The following EEF2KMT variants were observed in gnomAD, a reference collection of about 807,000 sequenced individuals.
The protein encoded by EEF2KMT is eukaryotic elongation factor 2 lysine methyltransferase, also known as protein-lysine N-methyltransferase EEF2KMT.
A neutral mutation model predicts 35.1 loss-of-function variants in EEF2KMT; 30 were observed. The ratio of observed to expected loss-of-function variants is 0.85; its 90% CI spans 0.64 to 1.16. EEF2KMT has a LOEUF of 1.16. Ranked by LOEUF, EEF2KMT falls within the 50% of genes most tolerant of loss-of-function variation. EEF2KMT has a pLI of 0.00. For missense variants in EEF2KMT, 499 were observed against 438.2 expected (o/e 1.14, Z -1.24); for synonymous variants, 190 against 187.7 (o/e 1.01, Z -0.10).
chr16:5,085,979 GC>G (rs1957149555), intron 7 of EEF2KMT, among the ~76,000 whole-genome samples: 1 of 152,156 alleles, frequency 6.6e-6, no homozygotes, highest in South Asian at 2.1e-4. Context: ...GCCTGTGTCT[GC>G]CCCAGCACTT....
intron 7 of EEF2KMT, among the ~76,000 whole-genome samples, chr16:5,087,998 G>T (rs1479185728): frequency 3.3e-5 from 5 of 149,640 alleles, no homozygotes; most frequent in African/African-American, 9.8e-5. Flanking sequence ...CTGGAGTGCA[G>T]TGGTGAGATC....
chr16:5,097,260 G>A (rs1296828412), intron 1 of EEF2KMT: 7 of 1,307,752 alleles, frequency 5.4e-6, no homozygotes, highest in African/African-American at 3.0e-5. Context: ...CGGTCACCGC[G>A]CTCAGGAGGA....
chr16:5,085,812 A>T (rs1228170768), intron 7 of EEF2KMT, 80 bp from the exon 8 acceptor site: 1 of 1,135,774 alleles, frequency 8.8e-7, no homozygotes, highest in Admixed American at 1.7e-5. Context: ...CTGCTAGGAC[A>T]GGCCTGGCGG....
At chr16:5,096,618 A>G (rs536681314) in intron 1 of EEF2KMT, among the ~76,000 whole-genome samples, 1 of 152,330 alleles carries the variant, frequency 6.6e-6, no homozygotes, top group Admixed American at 6.5e-5. Flanking sequence ...TCACTTGCCC[A>G]AGGTCACACA....
intron 7 of EEF2KMT, among the ~76,000 whole-genome samples, chr16:5,088,655 G>A (rs1596271724): frequency 6.6e-6 from 1 of 152,104 alleles, no homozygotes; most frequent in East Asian, 1.9e-4. Flanking sequence ...GCCCACTATG[G>A]GGCCAGTTCC....
At chr16:5,094,839 A>G (rs112589824) in intron 2 of EEF2KMT, among the ~76,000 whole-genome samples, 2,973 of 152,248 alleles carry the variant, frequency 0.02, 103 homozygotes, top group African/African-American at 0.067. Context: ...TTTGTATGGA[A>G]AATGTATTCT....
intron 2 of EEF2KMT, among the ~76,000 whole-genome samples, chr16:5,095,005 C>T (rs1174052556): frequency 6.6e-6 from 1 of 152,166 alleles, no homozygotes; most frequent in African/African-American, 2.4e-5. Context: ...GATCCTGCCT[C>T]TCACCTGCAG....
intron 4 of EEF2KMT, 70 bp downstream of exon 4, chr16:5,091,724 C>A: frequency 3.1e-6 from 5 of 1,598,542 alleles, no homozygotes; most frequent in Non-Finnish European, 4.3e-6. Context: ...AACCCACACC[C>A]ACGTTTTCAC....
rs1957317031 is a variant in EEF2KMT, at chr16:5,090,397, C to T, written c.476+35G>A. 7 of 1,611,908 alleles carry T rather than the reference C, an allele frequency of 4.3e-6. No individual in the cohort carries two copies. ...TGTCTGCGACTGCACCAGGGTAAGC[C>T]TGCCTCGGTGCCCTGCCCTGCGCCC... On this transcript the variant is annotated intron_variant, in intron 5 of 7. Coordinates refer to ENST00000427587, the MANE Select transcript of EEF2KMT (RefSeq NM_201400.4). This position sits in a 1 kb window ranked among gnomAD's most constrained non-coding sequence, Gnocchi z 4.1.
At position 5,097,687 on chromosome 16, in the gene EEF2KMT, C is replaced by T. The variant is rs758585506; in HGVS notation, c.53G>A (p.Arg18His). 81 of 1,580,778 alleles carry T rather than the reference C, an allele frequency of 5.1e-5. No homozygotes were observed. Among genetic ancestry groups the T allele is most frequent in the Middle Eastern group, 2.3e-4 (1 of 4,426 alleles). Residue 18 changes from arginine (R) to histidine (H), a missense_variant, in exon 1 of 8, where the codon CGC (arginine) becomes CAC (histidine). Transcript: ENST00000427587. ...CAGTGTGCGTGCCGCCAGGAAGCGG[C>T]GCTCGAAACTCTGCAGCAAGAGTTC... is the stretch of plus-strand genomic sequence containing the variant. ...GTELLLQSFERRFLAARTLRS... is the reference protein window; with the variant it reads ...GTELLLQSFEHRFLAARTLRS...
chr16:5,096,652 C>T (rs3965789), intron 1 of EEF2KMT, among the ~76,000 whole-genome samples: 3 of 152,266 alleles, frequency 2.0e-5, no homozygotes, highest in East Asian at 3.9e-4. Context: ...GGCCAGGATT[C>T]GAAGCAGACA....
At chr16:5,087,386 C>A (rs1399163598) in intron 7 of EEF2KMT, 1 of 152,200 alleles carries the variant, frequency 6.6e-6, no homozygotes, top group African/African-American at 2.4e-5. Context: ...TGAAGTCTCG[C>A]TATGTTGCTC....
chr16:5,097,338 C>G, intron 1 of EEF2KMT: 4 of 1,415,802 alleles, frequency 2.8e-6, no homozygotes, highest in East Asian at 3.3e-5. Context: ...GTCCCAGTGA[C>G]CAGAACGATT....
chr16:5,091,919 T>C, intron 3 of EEF2KMT, 24 bp from the exon 4 acceptor site: 3 of 1,611,084 alleles, frequency 1.9e-6, no homozygotes, highest in Non-Finnish European at 2.5e-6. Flanking sequence ...GAGTGAGAGC[T>C]TGTTTGCTTT....
At chr16:5,097,463 G>A (rs1370889240) in intron 1 of EEF2KMT, 181 bp downstream of exon 1, 1 of 1,414,170 alleles carries the variant, frequency 7.1e-7, no homozygotes, top group East Asian at 2.5e-5. Flanking sequence ...CGCGGGGCAG[G>A]AGGGGTGCGA....
intron 3 of EEF2KMT, among the ~76,000 whole-genome samples, chr16:5,092,301 A>AC (rs1491577198): frequency 1.3e-5 from 2 of 152,124 alleles, no homozygotes; most frequent in Non-Finnish European, 2.9e-5. Flanking sequence ...TTTGGATCAA[A>AC]CACAGAGAGG....
chr16:5,092,594 C>T (rs1957363381), intron 3 of EEF2KMT, among the ~76,000 whole-genome samples: 1 of 152,208 alleles, frequency 6.6e-6, no homozygotes. Flanking sequence ...TTTCACTCAG[C>T]AGGTCTGCTA....
At position 5,097,682 on chromosome 16, in the gene EEF2KMT, A is replaced by T. The variant is rs750464657; in HGVS notation, c.58T>A (p.Phe20Ile). 9 of 1,580,640 alleles carry T rather than the reference A, an allele frequency of 5.7e-6. No homozygotes were observed. The Admixed American group carries it at 1.6e-4, about 28-fold the overall frequency. ...GAGCGCAGTGTGCGTGCCGCCAGGA[A>T]GCGGCGCTCGAAACTCTGCAGCAAG... ...ELLLQSFERR[F>I]LAARTLRSFP... The change falls in exon 1 of 8, where the codon TTC (phenylalanine) becomes ATC (isoleucine). Residue 20 changes from phenylalanine (F) to isoleucine (I), a missense_variant. By Grantham distance (21) the Phe-to-Ile change is conservative. Transcript: ENST00000427587.
chr16:5,097,584 C>G, intron 1 of EEF2KMT, 60 bp downstream of exon 1: 1 of 1,527,808 alleles, frequency 6.5e-7, no homozygotes, highest in Non-Finnish European at 8.7e-7. Context: ...GGAGACCCGT[C>G]CCGTCTGCCC....
Sources: gnomAD v4.1 joint callset for allele counts (sites outside exome capture counted in the v4.1 genomes callset) on GRCh38, gnomAD v4.1.1 for gene constraint, Gnocchi (gnomAD v3.1) non-coding constraint, MANE v1.5 for transcripts, NCBI Gene and HGNC (gene_info 2026-07-23, HGNC 2026-07-21) for gene names.